The following LATS2 variants were observed in gnomAD, a reference collection of about 807,000 sequenced individuals.
The protein encoded by LATS2 is serine/threonine-protein kinase LATS2.
Under a neutral mutation model 76.0 loss-of-function variants are expected in LATS2, and 24 were observed. The ratio of observed to expected loss-of-function variants is 0.32; its 90% CI spans 0.23 to 0.44. LATS2 has a LOEUF of 0.44. Ranked by LOEUF, LATS2 falls within the 20% of genes least tolerant of loss-of-function variation. The probability of loss-of-function intolerance (pLI) is 1.00; values close to 1 mark genes in which losing one functional copy is unlikely to be tolerated. For missense variants in LATS2, 1,286 were observed against 1,481.2 expected, an observed-to-expected ratio of 0.87 and a Z score of 2.16; for synonymous variants, 692 against 635.4, an observed-to-expected ratio of 1.09 and a Z score of -1.34.
rs778262618 is a variant in LATS2, at chr13:20,991,360, G to A, written c.387C>T (p.Ile129=). 20 of 1,614,034 alleles carry A rather than the reference G, an allele frequency of 1.2e-5. No individual in the cohort carries two copies. The highest frequency in any genetic ancestry group is 2.7e-5 in the African/African-American group (2 of 74,922). ...TGCTGATGTACTCCAGGGCGGCCTC[G>A]ATGCTCCTGCTGCCAGTCTGCTTGA... The part of the protein sequence containing the change: ...RALKQTGSRS[I]EAALEYISKM... The change falls in exon 3 of 8, where the codon ATC becomes ATT. Residue 129 remains isoleucine (I), a synonymous_variant. Coordinates refer to ENST00000382592, the MANE Select transcript of LATS2 (RefSeq NM_014572.3). This position sits in a 1 kb window ranked among gnomAD's most constrained non-coding sequence, Gnocchi z 4.9.
intron 2 of LATS2, among the ~76,000 whole-genome samples, chr13:21,021,474 CAAAAAAAAAAAAAAAAAA>C (rs58976562): frequency 2.1e-5 from 1 of 48,372 alleles, no homozygotes. Context: ...GACTCTGTCT[CAAAAAAAAAAAAAAAAAA>C]AAAAAAAAAA....
chr13:21,059,784 C>A (rs1873567435), intron 1 of LATS2, among the ~76,000 whole-genome samples: 1 of 152,002 alleles, frequency 6.6e-6, no homozygotes, highest in Non-Finnish European at 1.5e-5. Flanking sequence ...CTGGCCAACA[C>A]GGCGAAACCC....
intron 2 of LATS2, among the ~76,000 whole-genome samples, chr13:21,019,531 C>G (rs1263315988): frequency 1.5e-5 from 2 of 137,902 alleles, no homozygotes; most frequent in East Asian, 4.3e-4. Context: ...TTAGTAGAGA[C>G]AGGGTTTCAC....
At chr13:21,036,309 G>C (rs1003548758) in intron 2 of LATS2, among the ~76,000 whole-genome samples, 1 of 152,072 alleles carries the variant, frequency 6.6e-6, no homozygotes, top group Admixed American at 6.5e-5. Flanking sequence ...TGGGATTACA[G>C]GTGTGAGCCA....
At chr13:21,028,468 G>A (rs1040868190) in intron 2 of LATS2, among the ~76,000 whole-genome samples, 2 of 152,192 alleles carry the variant, frequency 1.3e-5, no homozygotes, top group Non-Finnish European at 2.9e-5. Flanking sequence ...GATATTTAAT[G>A]TGATCAGCAA....
chr13:20,999,611 T>C (rs1026883479), intron 2 of LATS2, among the ~76,000 whole-genome samples: 2 of 152,040 alleles, frequency 1.3e-5, no homozygotes, highest in African/African-American at 2.4e-5. Context: ...GGAGCCAGTA[T>C]GCTTGGCTAA....
At chr13:20,977,201 G>C (rs1869659958) in intron 7 of LATS2, among the ~76,000 whole-genome samples, 1 of 152,006 alleles carries the variant, frequency 6.6e-6, no homozygotes, top group Non-Finnish European at 1.5e-5. Flanking sequence ...TTTGAAACCA[G>C]CCTGACCAAC....
At chr13:21,058,042 A>ACTAAG (rs1378012063) in intron 1 of LATS2, among the ~76,000 whole-genome samples, 2 of 152,256 alleles carry the variant, frequency 1.3e-5, no homozygotes, top group African/African-American at 4.8e-5. Context: ...TAGAGGAATT[A>ACTAAG]CTAAGCAATA....
intron 2 of LATS2, among the ~76,000 whole-genome samples, chr13:20,992,264 G>A (rs937079724): frequency 2.6e-5 from 4 of 152,154 alleles, no homozygotes; most frequent in Admixed American, 2.6e-4. Flanking sequence ...TGGAGATGGG[G>A]GGATGGACCC....
At chr13:20,977,759 T>G (rs1296555979) in intron 7 of LATS2, among the ~76,000 whole-genome samples, 1 of 152,184 alleles carries the variant, frequency 6.6e-6, no homozygotes, top group East Asian at 1.9e-4. Context: ...ATGGTAAATT[T>G]TATGTTATGT....
intron 2 of LATS2, among the ~76,000 whole-genome samples, chr13:21,018,574 C>T (rs2138355162): frequency 6.6e-6 from 1 of 152,370 alleles, no homozygotes; most frequent in South Asian, 2.1e-4. Flanking sequence ...ACTGTGGTCG[C>T]TTCCCTGATG....
intron 1 of LATS2, among the ~76,000 whole-genome samples, chr13:21,052,701 A>C (rs1163714882): frequency 6.6e-6 from 1 of 152,192 alleles, no homozygotes; most frequent in Admixed American, 6.5e-5. Context: ...TAGAAAGTTA[A>C]AGTAGCTTTC....
intron 3 of LATS2, among the ~76,000 whole-genome samples, chr13:20,989,908 C>G (rs1158657814): frequency 6.6e-6 from 1 of 152,222 alleles, no homozygotes; most frequent in Non-Finnish European, 1.5e-5. Flanking sequence ...TTGATTTCAT[C>G]TGCTGCTACC....
Position 20,974,866 on chromosome 13 carries a change from C to T in LATS2, c.*4G>A. 1 of 1,597,596 alleles carries T rather than the reference C, an allele frequency of 6.3e-7. No homozygotes were observed. Among genetic ancestry groups the T allele is most frequent in the Non-Finnish European group, 8.5e-7 (1 of 1,170,750 alleles). On this transcript the variant is annotated 3_prime_UTR_variant, in exon 8 of 8. Coordinates refer to ENST00000382592, the MANE Select transcript of LATS2 (RefSeq NM_014572.3). ...AGCGAGTGGTGGGGGTGCCTGGCCC[C>T]CATCTACACGTACACAGGCTGGCAG...
At chr13:21,022,270 A>G (rs981435737) in intron 2 of LATS2, among the ~76,000 whole-genome samples, 3 of 152,140 alleles carry the variant, frequency 2.0e-5, no homozygotes, top group African/African-American at 7.2e-5. Context: ...GTGCGTGTGC[A>G]TGTATTTGTA....
intron 7 of LATS2, among the ~76,000 whole-genome samples, chr13:20,976,916 A>G (rs1869650473): frequency 6.6e-6 from 1 of 152,230 alleles, no homozygotes; most frequent in Non-Finnish European, 1.5e-5. Context: ...GAACGACCAT[A>G]TAATCCAGTG....
At chr13:21,041,464 A>T (rs1872878904) in intron 2 of LATS2, among the ~76,000 whole-genome samples, 1 of 152,160 alleles carries the variant, frequency 6.6e-6, no homozygotes, top group African/African-American at 2.4e-5. Context: ...TCATTCCATT[A>T]AAGTTTTAAA....
intron 1 of LATS2, among the ~76,000 whole-genome samples, chr13:21,058,222 CAACT>C (rs1294247316): frequency 4.6e-5 from 7 of 152,196 alleles, no homozygotes; most frequent in African/African-American, 1.7e-4. Flanking sequence ...TTCTTCACAC[CAACT>C]GTTTTTAAAA....
At chr13:20,998,046 G>T (rs1350539713) in intron 2 of LATS2, among the ~76,000 whole-genome samples, 1 of 152,186 alleles carries the variant, frequency 6.6e-6, no homozygotes, top group Non-Finnish European at 1.5e-5. Context: ...GCCTCTGTCT[G>T]TGTCTGCCTG....
Sources: gnomAD v4.1 joint callset for allele counts (sites outside exome capture counted in the v4.1 genomes callset) on GRCh38, gnomAD v4.1.1 for gene constraint, Gnocchi (gnomAD v3.1) non-coding constraint, MANE v1.5 for transcripts, NCBI Gene and HGNC (gene_info 2026-07-23, HGNC 2026-07-21) for gene names.